The following CADPS variants were observed in gnomAD, a reference collection of about 807,000 sequenced individuals.
The protein encoded by CADPS is calcium-dependent secretion activator 1.
In CADPS, 57 loss-of-function variants were observed where a neutral mutation model predicts 167.3. The observed-to-expected ratio is 0.34, with a 90% confidence interval of 0.28 to 0.42. The LOEUF (loss-of-function observed/expected upper bound fraction) is 0.42, where lower values mean the gene tolerates loss of function less well. Ranked by LOEUF, CADPS falls within the 20% of genes least tolerant of loss-of-function variation. CADPS has a pLI of 1.00. For missense variants in CADPS, 1,414 were observed against 1,738.1 expected (o/e 0.81, Z 3.32); for synonymous variants, 676 against 635.3 (o/e 1.06, Z -0.96).
intron 1 of CADPS, among the ~76,000 whole-genome samples, chr3:62,778,260 C>T (rs1187771301): frequency 3.3e-5 from 5 of 152,172 alleles, no homozygotes; most frequent in Non-Finnish European, 7.3e-5. Flanking sequence ...GAGATAGCTC[C>T]TTTTTCCCCT....
rs1036636663 is a variant in CADPS, at chr3:62,526,154, T to G, written c.2291+6717A>C. 2.0e-5 allele frequency among the ~76,000 whole-genome samples: 3 copies of G among 152,136 alleles called. No individual in the cohort carries two copies. In the South Asian group the frequency reaches 6.2e-4, roughly 32 times the overall value. On this transcript the variant is annotated intron_variant, in intron 13 of 29. Coordinates refer to ENST00000383710, the MANE Select transcript of CADPS (RefSeq NM_003716.4). ...GAGAAAAGTGAGTTCCATTTGATTG[T>G]TTGGTTACTCAAATCTTAATCTACA... is the stretch of plus-strand genomic sequence containing the variant.
At chr3:62,562,002 T>C (rs569967285) in intron 9 of CADPS, among the ~76,000 whole-genome samples, 2 of 152,350 alleles carry the variant, frequency 1.3e-5, no homozygotes, top group East Asian at 3.9e-4. Context: ...CAGATGTGAT[T>C]CCTGCCCTCA....
chr3:62,504,536 G>C (rs2066300902), intron 17 of CADPS, among the ~76,000 whole-genome samples: 1 of 152,174 alleles, frequency 6.6e-6, no homozygotes, highest in Non-Finnish European at 1.5e-5. Context: ...TCACCCATGA[G>C]GCAGCAGATA....
intron 3 of CADPS, among the ~76,000 whole-genome samples, chr3:62,729,971 C>T (rs494186): frequency 0.32 from 49,036 of 151,290 alleles, 8,950 homozygotes; most frequent in African/African-American, 0.47. Context: ...TGGCATAAAG[C>T]ATTTAATTTC....
intron 23 of CADPS, among the ~76,000 whole-genome samples, chr3:62,475,412 T>C (rs1194277469): frequency 6.6e-6 from 1 of 152,060 alleles, no homozygotes; most frequent in Non-Finnish European, 1.5e-5. Context: ...CTGGAGATCA[T>C]ACAGCCACCA....
At position 62,766,869 on chromosome 3, in the gene CADPS, GTGTT is replaced by G. The variant is rs1337452440; in HGVS notation, c.442-889_442-886del. ...TCCTGCTATGTGATTCCACAGCACA[GTGTT>G]TGTTTAACTGCTTGATGATGATTAA... is the stretch of plus-strand genomic sequence containing the variant. On this transcript the variant is annotated intron_variant, in intron 1 of 29. Coordinates refer to ENST00000383710, the MANE Select transcript of CADPS (RefSeq NM_003716.4). 2.0e-5 allele frequency among the ~76,000 whole-genome samples: 3 copies of G among 152,284 alleles called. No individual in the cohort carries two copies. In the East Asian group the frequency reaches 5.8e-4, roughly 29 times the overall value.
intron 9 of CADPS, among the ~76,000 whole-genome samples, chr3:62,568,794 A>C (rs1389031793): frequency 6.6e-6 from 1 of 152,202 alleles, no homozygotes; most frequent in African/African-American, 2.4e-5. Flanking sequence ...TTCTGGAACT[A>C]TGCTGGCCCT....
intron 26 of CADPS, among the ~76,000 whole-genome samples, chr3:62,461,033 G>A (rs940188739): frequency 6.6e-5 from 10 of 152,118 alleles, no homozygotes; most frequent in African/African-American, 2.4e-4. Flanking sequence ...TGGGGCCTGG[G>A]CTACTCCTAC....
Position 62,753,572 on chromosome 3 carries a change from T to C in CADPS, c.757A>G (p.Lys253Glu). 1 of 1,614,158 alleles carries C rather than the reference T, an allele frequency of 6.2e-7. No individual in the cohort carries two copies. The highest frequency in any genetic ancestry group is 2.2e-5 in the East Asian group (1 of 44,864). The change falls in exon 3 of 30, where the codon AAG becomes GAG. Residue 253 changes from lysine (K) to glutamate (E), a missense_variant. Physicochemically the swap from Lys to Glu is moderately conservative, Grantham distance 56 (BLOSUM62 1). This residue lies in a region of CADPS where 522 missense variants were observed against 559.5 expected (regional missense o/e 0.93). Transcript: ENST00000383710. This position sits in a 1 kb window ranked among gnomAD's most constrained non-coding sequence, Gnocchi z 4.6. ...CTGGCTGTCATCCGGGCCTGCTGCT[T>C]CCGCGGGTCCTCTTCTCCACGGTAG... The part of the protein sequence containing the change: ...AIYRGEEDPR[K>E]QQARMTASAA...
intron 2 of CADPS, 34 bp downstream of exon 2, chr3:62,765,837 T>C (rs2086709021): frequency 1.4e-6 from 2 of 1,411,942 alleles, no homozygotes; most frequent in Non-Finnish European, 2.0e-6. Flanking sequence ...AGGGCTTGAG[T>C]GGTCTTGGCA....
At chr3:62,616,513 G>C (rs2062328366) in intron 6 of CADPS, among the ~76,000 whole-genome samples, 1 of 152,152 alleles carries the variant, frequency 6.6e-6, no homozygotes, top group African/African-American at 2.4e-5. Flanking sequence ...CTTACATTCA[G>C]ATCTTACCAT....
At chr3:62,798,992 C>A (rs1559676717) in intron 1 of CADPS, among the ~76,000 whole-genome samples, 1 of 152,140 alleles carries the variant, frequency 6.6e-6, no homozygotes, top group South Asian at 2.1e-4. Flanking sequence ...ACTTCAGCAG[C>A]CATTCCTAGT....
intron 3 of CADPS, among the ~76,000 whole-genome samples, chr3:62,716,068 CT>C (rs144150851): frequency 1.3e-5 from 2 of 151,010 alleles, no homozygotes; most frequent in East Asian, 2.0e-4. Context: ...TTAAAAAACA[CT>C]TTTTTTTTGA....
intron 1 of CADPS, among the ~76,000 whole-genome samples, chr3:62,831,270 A>G (rs2075032662): frequency 6.6e-6 from 1 of 152,210 alleles, no homozygotes. Flanking sequence ...CATTTTCCAG[A>G]TGAGGAAACT....
In CADPS at chr3:62,736,893, C is replaced by T. The variant is rs1272867625; in HGVS notation, c.888+16548G>A. 2.6e-5 allele frequency among the ~76,000 whole-genome samples: 4 copies of T among 152,244 alleles called. No individual in the cohort carries two copies. The East Asian group carries it at 5.8e-4, about 22-fold the overall frequency. ...GTGGCTCACGCCTGTAATCCCAGTG[C>T]TTTGGGAGGCTGAGGCAGGTTAATT... is the stretch of plus-strand genomic sequence containing the variant. On this transcript the variant is annotated intron_variant, in intron 3 of 29. Transcript: ENST00000383710.
At chr3:62,491,556 C>G in intron 20 of CADPS, 76 bp from the exon 21 acceptor site, 1 of 628,378 alleles carries the variant, frequency 1.6e-6, no homozygotes. Context: ...CACACACACA[C>G]AAACACACAC....
chr3:62,415,221 A>T (rs567384337), intron 28 of CADPS, among the ~76,000 whole-genome samples: 22 of 152,318 alleles, frequency 1.4e-4, no homozygotes, highest in African/African-American at 4.3e-4. Flanking sequence ...TAAATCTGCA[A>T]GTAGCACACT....
intron 2 of CADPS, among the ~76,000 whole-genome samples, chr3:62,760,659 C>T (rs1701898932): frequency 6.6e-6 from 1 of 152,148 alleles, no homozygotes; most frequent in Admixed American, 6.5e-5. Flanking sequence ...AGTTATTCTT[C>T]CCCTATGGAT....
chr3:62,562,173 G>A (rs553712647), intron 9 of CADPS, among the ~76,000 whole-genome samples: 36 of 152,304 alleles, frequency 2.4e-4, no homozygotes, highest in Middle Eastern at 3.4e-3. Flanking sequence ...TTGACGGATT[G>A]AGCCAAAATC....
Sources: gnomAD v4.1 joint callset for allele counts (sites outside exome capture counted in the v4.1 genomes callset) on GRCh38, gnomAD v4.1.1 for gene constraint, gnomAD v4.1.1 regional missense constraint, Gnocchi (gnomAD v3.1) non-coding constraint, MANE v1.5 for transcripts, NCBI Gene and HGNC (gene_info 2026-07-23, HGNC 2026-07-21) for gene names.